Variants in PWP1 observed in about 807,000 individuals in gnomAD.
The protein encoded by PWP1 is periodic tryptophan protein 1 homolog.
Under a neutral mutation model 69.9 loss-of-function variants are expected in PWP1, and 47 were observed. The ratio of observed to expected loss-of-function variants is 0.67; its 90% confidence interval spans 0.53 to 0.86. The LOEUF (loss-of-function observed/expected upper bound fraction) is 0.86, where lower values mean the gene tolerates loss of function less well. Ranked by LOEUF, PWP1 falls within the 40% of genes least tolerant of loss-of-function variation. The pLI is 0.00. For missense variants in PWP1, 551 were observed against 608.8 expected (o/e 0.91, Z 1.00); for synonymous variants, 222 against 208.2 (o/e 1.07, Z -0.57).
chr12:107,706,680 T>A (rs1889830823), intron 11 of PWP1, among the ~76,000 whole-genome samples: 1 of 152,242 alleles, frequency 6.6e-6, no homozygotes, highest in Non-Finnish European at 1.5e-5. Flanking sequence ...TTCTTGTTTT[T>A]GTCAGGTTTG....
At position 107,692,797 on chromosome 12, in the gene PWP1, G is replaced by T; in HGVS notation, c.320-17G>T. On this transcript the variant is annotated splice_polypyrimidine_tract_variant and intron_variant, in intron 3 of 14. Coordinates refer to ENST00000412830, the MANE Select transcript of PWP1 (RefSeq NM_007062.3). The stretch of plus-strand genomic sequence containing the variant: ...GATGACTATTTTATTATTGTAGTTT[G>T]TCAATTTTTCTTACAGATGCTGAGA... The T allele has an allele frequency of 6.3e-7, 1 of 1,588,268 alleles. No individual in the cohort carries two copies. Among genetic ancestry groups the T allele is most frequent in the Non-Finnish European group, 8.6e-7 (1 of 1,161,360 alleles).
At chr12:107,706,766 T>G (rs181282406) in intron 11 of PWP1, among the ~76,000 whole-genome samples, 2 of 152,344 alleles carry the variant, frequency 1.3e-5, no homozygotes, top group Admixed American at 6.5e-5. Context: ...TACATCTCTG[T>G]TTTGGTACCA....
chr12:107,702,323 C>T (rs967008122), intron 8 of PWP1, among the ~76,000 whole-genome samples: 1 of 151,922 alleles, frequency 6.6e-6, no homozygotes, highest in African/African-American at 2.4e-5. Flanking sequence ...CTCTGTTGCT[C>T]AGGCTGGAGT....
At chr12:107,686,971 A>G (rs79589033) in intron 1 of PWP1, among the ~76,000 whole-genome samples, 2 of 7,838 alleles carry the variant, frequency 2.6e-4, no homozygotes, top group Admixed American at 1.5e-3. Context: ...CTCCGTCTCA[A>G]AAAAAAAAAA....
chr12:107,711,109 TATTAA>T (rs1474959892), intron 14 of PWP1, among the ~76,000 whole-genome samples: 1 of 152,196 alleles, frequency 6.6e-6, no homozygotes, highest in African/African-American at 2.4e-5. Context: ...TTTCTATAGG[TATTAA>T]ATTAACTAAA....
At chr12:107,706,405 C>A (rs939994480) in intron 11 of PWP1, among the ~76,000 whole-genome samples, 6 of 152,158 alleles carry the variant, frequency 3.9e-5, no homozygotes, top group African/African-American at 1.4e-4. Context: ...TTAATTAGAT[C>A]CCATTTATCA....
At chr12:107,701,763 C>G (rs1452967814) in intron 8 of PWP1, among the ~76,000 whole-genome samples, 2 of 152,102 alleles carry the variant, frequency 1.3e-5, no homozygotes, top group Admixed American at 1.3e-4. Context: ...CTGCACCCCC[C>G]ACCTCTGGGG....
intron 9 of PWP1, among the ~76,000 whole-genome samples, chr12:107,703,348 G>T (rs3741787): frequency 0.068 from 10,314 of 152,208 alleles, 416 homozygotes; most frequent in African/African-American, 0.1. Context: ...TATTCCCCAG[G>T]AATCTAATGC....
chr12:107,698,648 G>A (rs1488018166), intron 7 of PWP1, among the ~76,000 whole-genome samples: 8 of 152,144 alleles, frequency 5.3e-5, no homozygotes, highest in Admixed American at 4.6e-4. Context: ...GCAGTGGCAC[G>A]ATTATAGTTC....
chr12:107,702,868 T>C, intron 8 of PWP1, 67 bp from the exon 9 acceptor site: 1 of 975,688 alleles, frequency 1.0e-6, no homozygotes, highest in Non-Finnish European at 1.7e-6. Flanking sequence ...GTAAATGCAA[T>C]CCTTTTCTCA....
chr12:107,688,940 C>T (rs1889428976), intron 3 of PWP1, 138 bp downstream of exon 3: 1 of 850,722 alleles, frequency 1.2e-6, no homozygotes, highest in Non-Finnish European at 1.8e-6. Flanking sequence ...CTTGGGCAGA[C>T]AGCATGATTC....
At chr12:107,687,956 G>A (rs1274344260) in intron 1 of PWP1, among the ~76,000 whole-genome samples, 3 of 149,888 alleles carry the variant, frequency 2.0e-5, no homozygotes, top group African/African-American at 4.9e-5. Context: ...GCTTGAACCC[G>A]GGAGGTGGAG....
chr12:107,708,954 A>G lies in PWP1; in HGVS notation c.1106A>G (p.Asn369Ser), dbSNP rs955557708. ...LASTDDGFVY[N>S]LDARSDKPIF... ...AGTACAGATGACGGCTTTGTATATAATTTGGATGCACGTTCAGATAAGCCA... is the reference window on the plus strand; with the variant it reads ...AGTACAGATGACGGCTTTGTATATAGTTTGGATGCACGTTCAGATAAGCCA... Residue 369 changes from asparagine (N) to serine (S), a missense_variant, in exon 12 of 15, where the codon AAT becomes AGT. Asn to Ser is a conservative substitution (Grantham distance 46). Transcript: ENST00000412830. 1 of 1,613,634 alleles carries G rather than the reference A, an allele frequency of 6.2e-7. No individual in the cohort carries two copies. Among genetic ancestry groups the G allele is most frequent in the Non-Finnish European group, 8.5e-7 (1 of 1,179,890 alleles).
At chr12:107,706,799 G>A (rs1889833075) in intron 11 of PWP1, among the ~76,000 whole-genome samples, 1 of 152,184 alleles carries the variant, frequency 6.6e-6, no homozygotes, top group Non-Finnish European at 1.5e-5. Context: ...TTTGGTTACT[G>A]TAGCCTTGTA....
In PWP1 at chr12:107,704,744, C is replaced by T. The variant is rs377040884; in HGVS notation, c.1074C>T (p.Phe358=). 1.2e-6 allele frequency: 2 copies of T among 1,612,438 alleles called. No homozygotes were observed. The highest frequency in any genetic ancestry group is 1.7e-6 in the Non-Finnish European group (2 of 1,178,588). The change falls in exon 11 of 15, where the codon TTC becomes TTT. Residue 358 remains phenylalanine (F), a synonymous_variant. Transcript: ENST00000412830. ...GGAATCACTTTTCACCTTGTCATTT[C>T]TTGGTAAGAGTACGAATGTTGTTGT... ...VTWNHFSPCH[F]LASTDDGFVY...
At chr12:107,694,183 G>T (rs1257290147) in intron 5 of PWP1, among the ~76,000 whole-genome samples, 1 of 152,000 alleles carries the variant, frequency 6.6e-6, no homozygotes, top group Non-Finnish European at 1.5e-5. Flanking sequence ...ACAATGTCTG[G>T]CGCACTCTGC....
Position 107,704,717 on chromosome 12 carries a change from T to C in PWP1, c.1047T>C (p.Thr349=). ...WRFSGQIERV[T]WNHFSPCHFL... ...TCAGTGGGCAGATAGAGAGAGTGAC[T>C]TGGAATCACTTTTCACCTTGTCATT... The change falls in exon 11 of 15, where the codon ACT becomes ACC. Residue 349 remains threonine, a synonymous_variant. Transcript: ENST00000412830. 3 of 1,613,942 alleles carry C rather than the reference T, an allele frequency of 1.9e-6. No individual in the cohort carries two copies. Among genetic ancestry groups the C allele is most frequent in the South Asian group, 1.1e-5 (1 of 91,074 alleles).
chr12:107,688,873 A>T lies in PWP1; in HGVS notation c.319+71A>T. 2.1e-6 allele frequency: 3 copies of T among 1,438,522 alleles called. No individual in the cohort carries two copies. The South Asian group carries it at 3.9e-5, about 19-fold the overall frequency. The allele number at this position is 1,438,522 out of a possible 1,614,324, so 89.1% of individuals were successfully genotyped here. A position where few individuals can be genotyped will look rare whatever the true frequency, so the allele number is the denominator to read the frequency against. On this transcript the variant is annotated intron_variant, in intron 3 of 14. Transcript: ENST00000412830. ...GTTGGATCATGTTTGTGGTGTTCCA[A>T]AGCTTTACTCTTAGATTTTATTGTT...
intron 7 of PWP1, 175 bp downstream of exon 7, chr12:107,697,772 T>A: frequency 1.5e-6 from 1 of 684,120 alleles, no homozygotes; most frequent in South Asian, 1.5e-5. Context: ...AGAAAACTTA[T>A]TTCTGATTAC....
Sources: allele counts gnomAD v4.1 joint callset (sites outside exome capture counted in the v4.1 genomes callset), GRCh38; gene constraint gnomAD v4.1.1; transcripts MANE v1.5; gene names NCBI Gene and HGNC (gene_info 2026-07-23, HGNC 2026-07-21).